The following SCAPER variants were observed in gnomAD, a reference collection of about 807,000 sequenced individuals.
The protein encoded by SCAPER is S phase cyclin A-associated protein in the endoplasmic reticulum.
A neutral mutation model predicts 182.2 loss-of-function variants in SCAPER; 98 were observed. The observed-to-expected ratio is 0.54, with a 90% confidence interval of 0.46 to 0.64. The LOEUF is 0.64. Among genes scored for constraint, SCAPER ranks in the 30% least tolerant of loss-of-function variants. SCAPER has a pLI of 0.00. For missense variants in SCAPER, 1,432 were observed against 1,690.0 expected (o/e 0.85, Z 2.68); for synonymous variants, 605 against 564.6 (o/e 1.07, Z -1.01).
At chr15:76,497,735 G>A (rs1486225200) in intron 24 of SCAPER, among the ~76,000 whole-genome samples, 3 of 152,014 alleles carry the variant, frequency 2.0e-5, no homozygotes, top group African/African-American at 4.8e-5. Context: ...GCTCATGCCT[G>A]TAATCCCAGC....
At position 76,670,265 on chromosome 15, in the gene SCAPER, CATAT is replaced by C. The variant is rs1277043792; in HGVS notation, c.2509-4480_2509-4477del. On this transcript the variant is annotated intron_variant, in intron 20 of 31. Transcript: ENST00000563290. Reference sequence around the variant, plus strand: ...ATTCTTCCAGACATTGTTCTTTGCACATATAGTTTTTTAAAAATAGGTTCTCCCA... The same window carrying C: ...ATTCTTCCAGACATTGTTCTTTGCACAGTTTTTTAAAAATAGGTTCTCCCA... Among the ~76,000 whole-genome samples, 7 of 151,798 alleles carry C rather than the reference CATAT, an allele frequency of 4.6e-5. No homozygotes were observed. The South Asian group carries it at 1.2e-3, about 27-fold the overall frequency.
At chr15:76,429,070 GA>G (rs2142464266) in intron 26 of SCAPER, among the ~76,000 whole-genome samples, 1 of 151,638 alleles carries the variant, frequency 6.6e-6, no homozygotes, top group African/African-American at 2.4e-5. Flanking sequence ...AGTCTCACGA[GA>G]TCTGGTGGCT....
intron 4 of SCAPER, among the ~76,000 whole-genome samples, chr15:76,848,135 G>A (rs1249037535): frequency 2.0e-5 from 3 of 151,476 alleles, no homozygotes; most frequent in Admixed American, 6.6e-5. Flanking sequence ...AGCCTCCCGA[G>A]TAGCTGGGAT....
intron 25 of SCAPER, among the ~76,000 whole-genome samples, chr15:76,461,587 C>T (rs879350046): frequency 4.0e-5 from 6 of 151,516 alleles, no homozygotes; most frequent in Non-Finnish European, 7.4e-5. Flanking sequence ...CTGTTTGATT[C>T]TTTATTATGT....
intron 7 of SCAPER, among the ~76,000 whole-genome samples, chr15:76,796,811 C>A (rs1780450526): frequency 6.6e-6 from 1 of 152,190 alleles, no homozygotes; most frequent in South Asian, 2.1e-4. Flanking sequence ...GCATATATAT[C>A]TTTTCCCTAC....
intron 5 of SCAPER, among the ~76,000 whole-genome samples, chr15:76,809,679 G>A (rs2066445035): frequency 1.3e-5 from 2 of 152,084 alleles, no homozygotes; most frequent in Non-Finnish European, 2.9e-5. Context: ...AGTGACAGAA[G>A]GCTTATTCAA....
chr15:76,581,451 T>C (rs1298553442), intron 22 of SCAPER, among the ~76,000 whole-genome samples: 2 of 152,184 alleles, frequency 1.3e-5, no homozygotes, highest in African/African-American at 4.8e-5. Context: ...ATTAAAAAGA[T>C]CATTCATTGT....
intron 20 of SCAPER, among the ~76,000 whole-genome samples, chr15:76,681,332 A>G (rs1007526896): frequency 6.6e-6 from 1 of 152,254 alleles, no homozygotes; most frequent in Non-Finnish European, 1.5e-5. Context: ...GTGTCCACTT[A>G]AAAACAAATC....
intron 4 of SCAPER, among the ~76,000 whole-genome samples, chr15:76,857,364 A>G (rs914406844): frequency 4.0e-5 from 6 of 151,580 alleles, no homozygotes; most frequent in African/African-American, 1.2e-4. Flanking sequence ...ACCCAAGAGG[A>G]AGAGGGTTCA....
At chr15:76,796,785 A>G (rs1403032710) in intron 7 of SCAPER, among the ~76,000 whole-genome samples, 1 of 152,210 alleles carries the variant, frequency 6.6e-6, no homozygotes, top group African/African-American at 2.4e-5. Context: ...GAATATATAA[A>G]TATTTGTTTT....
intron 21 of SCAPER, among the ~76,000 whole-genome samples, chr15:76,662,407 C>T (rs1260249673): frequency 1.3e-5 from 2 of 152,134 alleles, no homozygotes; most frequent in Non-Finnish European, 2.9e-5. Flanking sequence ...ACTGATCCTA[C>T]TATTTATATA....
At chr15:76,447,211 A>G (rs1007498719) in intron 25 of SCAPER, among the ~76,000 whole-genome samples, 1 of 152,132 alleles carries the variant, frequency 6.6e-6, no homozygotes, top group Non-Finnish European at 1.5e-5. Context: ...AGGTTCTTGG[A>G]GGGTGGTGCA....
At chr15:76,725,973 AAAC>A (rs1401230716) in intron 17 of SCAPER, among the ~76,000 whole-genome samples, 7 of 150,778 alleles carry the variant, frequency 4.6e-5, no homozygotes, top group Non-Finnish European at 8.9e-5. Flanking sequence ...AAGGCAACAA[AAAC>A]AACAACAACA....
intron 26 of SCAPER, 60 bp downstream of exon 26, chr15:76,434,018 A>C: frequency 1.4e-6 from 2 of 1,406,076 alleles, no homozygotes; most frequent in South Asian, 2.7e-5. Context: ...TTGAGATTTA[A>C]ATTATTTTAA....
chr15:76,765,346 G>C lies in SCAPER; in HGVS notation c.1604C>G (p.Ser535Cys). Residue 535 changes from serine (S) to cysteine (C), a missense_variant, in exon 13 of 32, where the codon TCT becomes TGT. Physicochemically the swap from Ser to Cys is moderately radical, Grantham distance 112. Transcript: ENST00000563290. ...TTTTCAAATGCCAGACCTTTTACGA[G>C]AGGGTGAAGAAAGTTTTTCATGCAT... The part of the protein sequence containing the change: ...IHMHEKLSSP[S>C]RKRTIAESKK... 4 of 1,611,356 alleles carry C rather than the reference G, an allele frequency of 2.5e-6. No individual in the cohort carries two copies. The highest frequency in any genetic ancestry group is 3.4e-6 in the Non-Finnish European group (4 of 1,178,198).
chr15:76,508,691 T>TA (rs1187967344), intron 23 of SCAPER, among the ~76,000 whole-genome samples: 1 of 152,156 alleles, frequency 6.6e-6, no homozygotes, highest in Non-Finnish European at 1.5e-5. Flanking sequence ...TTTGTGATTT[T>TA]AAAAATTTAA....
In SCAPER at chr15:76,813,245, A is replaced by AC. The variant is rs1568219835; in HGVS notation, c.394-8613_394-8612insG. On this transcript the variant is annotated intron_variant, in intron 5 of 31. Transcript: ENST00000563290. ...CTTTCACTAAAAAAAAAAAAAAAAA[A>AC]AAAAAAAAAACAACTCAACAAAATA... 5.4e-4 allele frequency among the ~76,000 whole-genome samples: 33 copies of AC among 61,176 alleles called. 2 individuals carry two copies. In the East Asian group the frequency reaches 6.3e-3, roughly 12 times the overall value. The allele number at this position is 61,176 out of a possible 152,430, so 40.1% of individuals were successfully genotyped here. A position where few individuals can be genotyped will look rare whatever the true frequency, so the allele number is the denominator to read the frequency against.
At chr15:76,410,031 GAGCTGCCCTCCTC>G (rs1026013479) in intron 26 of SCAPER, among the ~76,000 whole-genome samples, 31 of 151,384 alleles carry the variant, frequency 2.0e-4, no homozygotes, top group African/African-American at 6.3e-4. Flanking sequence ...GGACTCAAGC[GAGCTGCCCTCCTC>G]AGCCTCCCAA....
intron 25 of SCAPER, among the ~76,000 whole-genome samples, chr15:76,458,979 T>G (rs2048948707): frequency 6.6e-6 from 1 of 152,108 alleles, no homozygotes; most frequent in Non-Finnish European, 1.5e-5. Context: ...ACTGCAGCCT[T>G]GACCTCCTGG....
Sources: gnomAD v4.1 joint callset for allele counts (sites outside exome capture counted in the v4.1 genomes callset) on GRCh38, gnomAD v4.1.1 for gene constraint, MANE v1.5 for transcripts, NCBI Gene and HGNC (gene_info 2026-07-23, HGNC 2026-07-21) for gene names.